Variants in TFDP2 observed in about 807,000 individuals in gnomAD.
TFDP2 encodes transcription factor Dp-2 (E2F dimerization partner 2).
Under a neutral mutation model 59.3 loss-of-function variants are expected in TFDP2, and 17 were observed. That is an observed-to-expected ratio of 0.29 (90% confidence interval 0.20 to 0.43). The LOEUF (loss-of-function observed/expected upper bound fraction) is 0.43, where lower values mean the gene tolerates loss of function less well. Ranked by LOEUF, TFDP2 falls within the 20% of genes least tolerant of loss-of-function variation. The pLI is 1.00. For synonymous variants in TFDP2, 180 were observed against 194.7 expected (o/e 0.92, Z 0.63); for missense variants, 391 against 528.8 (o/e 0.74, Z 2.56).
intron 4 of TFDP2, among the ~76,000 whole-genome samples, chr3:142,000,601 A>G (rs1214503621): frequency 2.6e-5 from 4 of 152,124 alleles, no homozygotes; most frequent in African/African-American, 9.7e-5. Flanking sequence ...TTTCATTCCA[A>G]TAGTCTCACA....
At chr3:142,075,460 G>A (rs917800589) in intron 3 of TFDP2, among the ~76,000 whole-genome samples, 14 of 152,160 alleles carry the variant, frequency 9.2e-5, no homozygotes, top group Admixed American at 3.3e-4. Context: ...TTTTTTCTGC[G>A]AAAGTTTAGT....
intron 3 of TFDP2, among the ~76,000 whole-genome samples, chr3:142,011,875 G>T (rs1420908692): frequency 6.6e-6 from 1 of 152,022 alleles, no homozygotes; most frequent in Non-Finnish European, 1.5e-5. Flanking sequence ...GTTAGTGAAG[G>T]GAATACTGTA....
intron 9 of TFDP2, among the ~76,000 whole-genome samples, chr3:141,969,560 CA>C (rs1939389697): frequency 6.6e-6 from 1 of 151,748 alleles, no homozygotes; most frequent in Non-Finnish European, 1.5e-5. Context: ...TACAGTGAGC[CA>C]AGATCGCACC....
chr3:142,090,039 A>C (rs148079330), intron 3 of TFDP2, among the ~76,000 whole-genome samples: 311 of 152,320 alleles, frequency 2.0e-3, no homozygotes, highest in African/African-American at 7.2e-3. Context: ...TGGGCCTGTA[A>C]CAAATATTAA....
chr3:142,065,025 A>AC (rs1407421368), intron 3 of TFDP2, among the ~76,000 whole-genome samples: 1 of 152,358 alleles, frequency 6.6e-6, no homozygotes, highest in South Asian at 2.1e-4. Context: ...TCTGAAGATA[A>AC]ACAGGAAAAA....
At chr3:141,989,766 C>T (rs1437075071) in intron 6 of TFDP2, among the ~76,000 whole-genome samples, 2 of 152,026 alleles carry the variant, frequency 1.3e-5, no homozygotes, top group Non-Finnish European at 1.5e-5. Flanking sequence ...ACGCAATATG[C>T]GATGTAGATT....
At chr3:142,038,930 C>G (rs1946826573) in intron 3 of TFDP2, among the ~76,000 whole-genome samples, 1 of 152,182 alleles carries the variant, frequency 6.6e-6, no homozygotes, top group Admixed American at 6.5e-5. Context: ...AATCTTCCCA[C>G]AGATCTTCCT....
chr3:141,976,159 G>A (rs890297738), intron 7 of TFDP2, among the ~76,000 whole-genome samples: 5 of 152,086 alleles, frequency 3.3e-5, no homozygotes, highest in African/African-American at 7.2e-5. Context: ...GATTATAGGC[G>A]TGAGCCACTG....
chr3:141,992,090 G>A (rs1576610331), intron 6 of TFDP2, among the ~76,000 whole-genome samples: 4 of 131,102 alleles, frequency 3.1e-5, no homozygotes, highest in Admixed American at 1.6e-4. Flanking sequence ...AGGAAGGAAG[G>A]AAGGAAAGAA....
chr3:142,112,810 C>A (rs1030045557), intron 1 of TFDP2, among the ~76,000 whole-genome samples: 2 of 152,196 alleles, frequency 1.3e-5, no homozygotes, highest in African/African-American at 4.8e-5. Context: ...CACGTGCCAC[C>A]ACACCCAGCC....
intron 1 of TFDP2, among the ~76,000 whole-genome samples, chr3:142,106,367 T>C (rs2061474582): frequency 6.6e-6 from 1 of 152,242 alleles, no homozygotes; most frequent in Non-Finnish European, 1.5e-5. Context: ...AATTAAAAAT[T>C]AAGTATGCTG....
intron 3 of TFDP2, among the ~76,000 whole-genome samples, chr3:142,053,493 AC>A (rs1321156826): frequency 6.6e-6 from 1 of 152,210 alleles, no homozygotes; most frequent in Non-Finnish European, 1.5e-5. Context: ...AGCCTGCAGA[AC>A]CATGAGCCAA....
intron 8 of TFDP2, among the ~76,000 whole-genome samples, chr3:141,970,759 G>A (rs531790324): frequency 6.6e-6 from 1 of 152,132 alleles, no homozygotes; most frequent in Non-Finnish European, 1.5e-5. Context: ...TGATAATACA[G>A]ATATCTCACA....
chr3:141,951,731 T>C lies in TFDP2; in HGVS notation c.*782A>G, dbSNP rs1168881042. ...GATACAGTTTCCTTCTTTGTAAAAC[T>C]CCAGATTTAGGATGCTGGCAAAGGC... On this transcript the variant is annotated 3_prime_UTR_variant, in exon 13 of 13. Coordinates refer to ENST00000489671, the MANE Select transcript of TFDP2 (RefSeq NM_001178139.2). The C allele has an allele frequency of 6.6e-6, 1 of 152,604 alleles. No individual in the cohort carries two copies. Among genetic ancestry groups the C allele is most frequent in the Non-Finnish European group, 1.5e-5 (1 of 68,024 alleles). The allele number at this position is 152,604 out of a possible 1,614,324, so 9.5% of individuals were successfully genotyped here.
chr3:142,033,593 G>C (rs1346345049), intron 3 of TFDP2, among the ~76,000 whole-genome samples: 2 of 152,200 alleles, frequency 1.3e-5, no homozygotes, highest in East Asian at 1.9e-4. Context: ...AAAGATTCTA[G>C]AGAGGACAGA....
At chr3:142,050,038 G>T (rs1353251055) in intron 3 of TFDP2, among the ~76,000 whole-genome samples, 2 of 152,022 alleles carry the variant, frequency 1.3e-5, no homozygotes, top group Non-Finnish European at 2.9e-5. Flanking sequence ...GAAGGCTGAG[G>T]CGGGCAGATC....
chr3:142,042,630 C>CTTTTTTTTTT (rs66981475), intron 3 of TFDP2, among the ~76,000 whole-genome samples: 49 of 108,112 alleles, frequency 4.5e-4, no homozygotes, highest in Non-Finnish European at 7.1e-4. Flanking sequence ...CTTTTCTTTT[C>CTTTTTTTTTT]TTTTTTTTTT....
At chr3:142,040,969 T>C (rs1181820765) in intron 3 of TFDP2, among the ~76,000 whole-genome samples, 1 of 152,224 alleles carries the variant, frequency 6.6e-6, no homozygotes, top group African/African-American at 2.4e-5. Flanking sequence ...TAACTGTATT[T>C]GATAATTTCC....
chr3:142,059,724 C>T (rs1469848413), intron 3 of TFDP2, among the ~76,000 whole-genome samples: 2 of 152,092 alleles, frequency 1.3e-5, no homozygotes, highest in East Asian at 1.9e-4. Flanking sequence ...GGACTACCAG[C>T]GTCGGCCACC....
Sources: allele counts gnomAD v4.1 joint callset (sites outside exome capture counted in the v4.1 genomes callset), GRCh38; gene constraint gnomAD v4.1.1; transcripts MANE v1.5; gene names NCBI Gene and HGNC (gene_info 2026-07-23, HGNC 2026-07-21).